The following EDA variants were observed in gnomAD, a reference collection of about 807,000 sequenced individuals.
The protein encoded by EDA is ectodysplasin A, also known as ectodysplasin-A.
A neutral mutation model predicts 23.6 loss-of-function variants in EDA; 2 were observed. The ratio of observed to expected loss-of-function variants is 0.08; its 90% confidence interval spans 0.03 to 0.27. EDA has a LOEUF of 0.27. Among genes scored for constraint, EDA ranks in the 10% least tolerant of loss-of-function variants. The probability of loss-of-function intolerance (pLI) is 1.00; values close to 1 mark genes in which losing one functional copy is unlikely to be tolerated. For missense variants in EDA, 229 were observed against 324.2 expected, an observed-to-expected ratio of 0.71 and a Z score of 2.26; for synonymous variants, 131 against 132.0, an observed-to-expected ratio of 0.99 and a Z score of 0.05.
intron 1 of EDA, among the ~76,000 whole-genome samples, chrX:69,671,850 T>G (rs762162429): frequency 8.9e-6 from 1 of 112,257 alleles, no homozygotes; most frequent in Non-Finnish European, 1.9e-5. Flanking sequence ...TTGGCCATCT[T>G]GCTAATGTCA....
intron 2 of EDA, among the ~76,000 whole-genome samples, chrX:69,991,052 A>AT (rs2019582156): frequency 9.1e-6 from 1 of 109,724 alleles, no homozygotes; most frequent in Non-Finnish European, 1.9e-5. Context: ...TTTAACTTCT[A>AT]TTTTTTTGTT....
At chrX:69,895,910 T>C (rs919099545) in intron 1 of EDA, among the ~76,000 whole-genome samples, 14 of 112,511 alleles carry the variant, frequency 1.2e-4, no homozygotes, top group African/African-American at 4.5e-4. Context: ...GAGTTCTTAC[T>C]TAAATGATGT....
At chrX:70,022,943 C>T (rs1337156425) in intron 2 of EDA, 1 of 220,976 alleles carries the variant, frequency 4.5e-6, no homozygotes, top group Non-Finnish European at 8.5e-6. Flanking sequence ...CATTTCATCT[C>T]TATGGGGAAG....
At chrX:69,678,413 A>G (rs1260107783) in intron 1 of EDA, among the ~76,000 whole-genome samples, 1 of 111,736 alleles carries the variant, frequency 8.9e-6, no homozygotes, top group Admixed American at 9.5e-5. Flanking sequence ...TACCTTGGAC[A>G]GTATGGCCAT....
chrX:69,699,123 T>A (rs773047572), intron 1 of EDA, among the ~76,000 whole-genome samples: 31 of 110,354 alleles, frequency 2.8e-4, no homozygotes, highest in Non-Finnish European at 5.1e-4. Flanking sequence ...ATAAAGCAGG[T>A]CTGGGTGATT....
chrX:69,877,031 TACCAC>T (rs1216429493), intron 1 of EDA, among the ~76,000 whole-genome samples: 12 of 112,623 alleles, frequency 1.1e-4, no homozygotes, highest in Admixed American at 9.4e-5. Flanking sequence ...AAAATGACCA[TACCAC>T]TAGACCCAGC....
intron 1 of EDA, among the ~76,000 whole-genome samples, chrX:69,688,770 A>G (rs900123943): frequency 1.1e-4 from 12 of 111,822 alleles, no homozygotes; most frequent in African/African-American, 3.9e-4. Context: ...AGAGGAGGAT[A>G]ATGAGGTGGT....
intron 1 of EDA, among the ~76,000 whole-genome samples, chrX:69,685,365 G>T (rs1273574133): frequency 8.9e-6 from 1 of 111,792 alleles, no homozygotes; most frequent in Non-Finnish European, 1.9e-5. Context: ...ATGATTTCAT[G>T]GGAACATTTA....
At chrX:69,731,493 G>A (rs574089291) in intron 1 of EDA, among the ~76,000 whole-genome samples, 2 of 109,396 alleles carry the variant, frequency 1.8e-5, no homozygotes, top group East Asian at 2.9e-4. Flanking sequence ...CCAGGCTGGA[G>A]TACAGTAGCG....
At chrX:69,991,970 T>G (rs2019594214) in intron 2 of EDA, among the ~76,000 whole-genome samples, 1 of 112,406 alleles carries the variant, frequency 8.9e-6, no homozygotes, top group Admixed American at 9.3e-5. Flanking sequence ...TGGGTTAGCC[T>G]GCTCCGGTTC....
chrX:69,879,463 C>T (rs2017708382), intron 1 of EDA, among the ~76,000 whole-genome samples: 1 of 111,757 alleles, frequency 8.9e-6, no homozygotes, highest in African/African-American at 3.3e-5. Context: ...TGGTGATCAA[C>T]TCACCCTCTT....
rs763226863 is a variant in EDA at position 69,785,627 on chromosome X, A to C, written c.396+168923A>C. On this transcript the variant is annotated intron_variant, in intron 1 of 7. Coordinates refer to ENST00000374552, the MANE Select transcript of EDA (RefSeq NM_001399.5). ...TTTGCGCATATTGAACCAGCCTTGC[A>C]TCCCAGGGTTGAAGCCCACTTGATC... Among the ~76,000 whole-genome samples, 6 of 110,521 alleles carry C rather than the reference A, an allele frequency of 5.4e-5. No individual in the cohort carries two copies. The Admixed American group carries it at 5.8e-4, about 11-fold the overall frequency.
intron 1 of EDA, among the ~76,000 whole-genome samples, chrX:69,826,624 G>A (rs1320075541): frequency 6.4e-5 from 7 of 109,211 alleles, no homozygotes; most frequent in African/African-American, 2.4e-4. Context: ...CCTGAATATA[G>A]CACACTGATG....
chrX:69,677,003 A>G (rs1479455242), intron 1 of EDA, among the ~76,000 whole-genome samples: 1 of 75,087 alleles, frequency 1.3e-5, no homozygotes, highest in African/African-American at 5.3e-5. Context: ...AACTGGCCCC[A>G]GAGTGTGATG....
At chrX:69,792,592 TA>T (rs1271914874) in intron 1 of EDA, among the ~76,000 whole-genome samples, 1 of 112,443 alleles carries the variant, frequency 8.9e-6, no homozygotes, top group African/African-American at 3.2e-5. Context: ...ACTAGCAGTC[TA>T]AAAAAATATT....
intron 1 of EDA, among the ~76,000 whole-genome samples, chrX:69,876,446 TA>T (rs1240325710): frequency 9.1e-6 from 1 of 110,329 alleles, no homozygotes; most frequent in Non-Finnish European, 1.9e-5. Context: ...TAAAAAATAA[TA>T]AAAAAAGAAT....
At chrX:69,903,103 T>G (rs1227128661) in intron 1 of EDA, among the ~76,000 whole-genome samples, 2 of 112,108 alleles carry the variant, frequency 1.8e-5, no homozygotes, top group African/African-American at 6.5e-5. Context: ...AGCAAGTTTA[T>G]AATCCCTCAG....
chrX:69,718,293 C>CT (rs376781592), intron 1 of EDA, among the ~76,000 whole-genome samples: 14 of 110,330 alleles, frequency 1.3e-4, no homozygotes, highest in Non-Finnish European at 2.7e-4. Context: ...ACCTGTATGC[C>CT]TTTTTTTTCT....
Position 69,863,605 on chromosome X carries a change from A to G in EDA, c.397-93422A>G, listed in dbSNP as rs146117004. 1.8e-3 allele frequency among the ~76,000 whole-genome samples: 170 copies of G among 96,719 alleles called. 1 individual carries two copies. Among genetic ancestry groups the G allele is most frequent in the East Asian group, 0.013 (43 of 3,211 alleles). The allele number at this position is 96,719 out of a possible 115,157, so 84.0% of individuals were successfully genotyped here. On this transcript the variant is annotated intron_variant, in intron 1 of 7. Coordinates refer to ENST00000374552, the MANE Select transcript of EDA (RefSeq NM_001399.5). ...TGTATATATACATATATGTATATAT[A>G]TGTGTGTATATATGTGTGTATTTAT...
Sources: gnomAD v4.1 joint callset for allele counts (sites outside exome capture counted in the v4.1 genomes callset) on GRCh38, gnomAD v4.1.1 for gene constraint, MANE v1.5 for transcripts, NCBI Gene and HGNC (gene_info 2026-07-23, HGNC 2026-07-21) for gene names.